The following UBE2W variants were observed in gnomAD, a reference collection of about 807,000 sequenced individuals.
UBE2W encodes the protein ubiquitin-conjugating enzyme E2 W.
In UBE2W, 18 loss-of-function variants were observed where a neutral mutation model predicts 27.2. The ratio of observed to expected loss-of-function variants is 0.66; its 90% CI spans 0.46 to 0.98. The LOEUF (loss-of-function observed/expected upper bound fraction) is 0.98, where lower values mean the gene tolerates loss of function less well. UBE2W is among the 50% of genes least tolerant of loss of function. UBE2W has a pLI of 0.00. For missense variants in UBE2W, 90 were observed against 180.2 expected, an observed-to-expected ratio of 0.50 and a Z score of 2.87; for synonymous variants, 53 against 57.2, an observed-to-expected ratio of 0.93 and a Z score of 0.33.
intron 3 of UBE2W, among the ~76,000 whole-genome samples, chr8:73,815,661 G>A (rs1272055680): frequency 1.3e-5 from 2 of 152,150 alleles, no homozygotes; most frequent in Non-Finnish European, 2.9e-5. Flanking sequence ...ATCTTACCAC[G>A]AAGGAGGCAC....
intron 1 of UBE2W, among the ~76,000 whole-genome samples, chr8:73,844,158 C>A (rs1413171582): frequency 1.1e-4 from 1 of 8,894 alleles, no homozygotes; most frequent in African/African-American, 8.0e-4. Flanking sequence ...GAGCTAATTC[C>A]CCTCCCCCTC....
chr8:73,873,597 A>C (rs916576585), intron 1 of UBE2W, among the ~76,000 whole-genome samples: 5 of 152,208 alleles, frequency 3.3e-5, no homozygotes, highest in Non-Finnish European at 7.3e-5. Flanking sequence ...ACAAGGGTGC[A>C]GTGAGCCAAG....
Position 73,788,815 on chromosome 8 carries a change from G to T in UBE2W, c.*5287C>A. ...CAGAGAGTGTATGTGCCAAGGACTA[G>T]AACAAGAATTGGATCTCTCCTTTTC... On this transcript the variant is annotated 3_prime_UTR_variant, in exon 6 of 6. Transcript: ENST00000602593. 2 of 985,274 alleles carry T rather than the reference G, an allele frequency of 2.0e-6. No homozygotes were observed. Among genetic ancestry groups the T allele is most frequent in the Non-Finnish European group, 2.4e-6 (2 of 829,912 alleles). The allele number at this position is 985,274 out of a possible 1,614,324, so 61.0% of individuals were successfully genotyped here.
chr8:73,840,074 C>A (rs1426464452), intron 1 of UBE2W, among the ~76,000 whole-genome samples: 1 of 150,492 alleles, frequency 6.6e-6, no homozygotes, highest in Non-Finnish European at 1.5e-5. Flanking sequence ...TTTTTCCCCC[C>A]AAGAAGGAGT....
In UBE2W at chr8:73,878,843, A is replaced by G. The variant is rs972672144; in HGVS notation, c.-21T>C. On this transcript the variant is annotated 5_prime_UTR_variant, in exon 1 of 6. Coordinates refer to ENST00000602593, the MANE Select transcript of UBE2W (RefSeq NM_018299.6). Reference sequence around the variant, plus strand: ...GCCATGATGGAACCATCCCCCCAAGACCGGCGAGGCCAGAGACGCAGGGGG... The same window carrying G: ...GCCATGATGGAACCATCCCCCCAAGGCCGGCGAGGCCAGAGACGCAGGGGG... 12 of 1,548,198 alleles carry G rather than the reference A, an allele frequency of 7.8e-6. No individual in the cohort carries two copies. In the Admixed American group the frequency reaches 1.4e-4, roughly 18 times the overall value.
chr8:73,853,937 C>G (rs974826854), intron 1 of UBE2W, among the ~76,000 whole-genome samples: 14 of 152,026 alleles, frequency 9.2e-5, no homozygotes, highest in African/African-American at 3.1e-4. Flanking sequence ...TCGCTTGAGT[C>G]TAGGAGTTCA....
Position 73,846,738 on chromosome 8 carries a change from C to T in UBE2W, c.16-16266G>A, listed in dbSNP as rs543390921. ...GAACGAAATTACAAGGCATTCAACA[C>T]ATAAATTTGGAAGCAGGTGATGGGG... On this transcript the variant is annotated intron_variant, in intron 1 of 5. Transcript: ENST00000602593. 2.8e-4 allele frequency among the ~76,000 whole-genome samples: 43 copies of T among 152,290 alleles called. No individual in the cohort carries two copies. In the South Asian group the frequency reaches 5.4e-3, roughly 19 times the overall value.
At chr8:73,865,777 A>G (rs1268859748) in intron 1 of UBE2W, among the ~76,000 whole-genome samples, 1 of 152,178 alleles carries the variant, frequency 6.6e-6, no homozygotes, top group East Asian at 1.9e-4. Flanking sequence ...ATGTAGTACA[A>G]AAGACTATTC....
rs763703268 is a variant in UBE2W at position 73,837,613 on chromosome 8, T to C, written c.16-7141A>G. 6.6e-5 allele frequency among the ~76,000 whole-genome samples: 10 copies of C among 152,184 alleles called. No homozygotes were observed. The East Asian group carries it at 1.2e-3, about 18-fold the overall frequency. The stretch of plus-strand genomic sequence containing the variant: ...ATGTTTCTGAGTTAACTTTTTAAAA[T>C]TGATTTAAAAATATATACTTTGTAG... On this transcript the variant is annotated intron_variant, in intron 1 of 5. Coordinates refer to ENST00000602593, the MANE Select transcript of UBE2W (RefSeq NM_018299.6).
Position 73,827,656 on chromosome 8 carries a change from A to G in UBE2W, c.108-2407T>C, listed in dbSNP as rs1374576833. Among the ~76,000 whole-genome samples, 5 of 152,092 alleles carry G rather than the reference A, an allele frequency of 3.3e-5. No homozygotes were observed. In the East Asian group the frequency reaches 9.6e-4, roughly 29 times the overall value. On this transcript the variant is annotated intron_variant, in intron 2 of 5. Transcript: ENST00000602593. ...GTGACTCCCCCACCTCAGACTCCCA[A>G]GTAGCTGGGACCACAGGTGCACACC...
At chr8:73,803,519 T>C (rs1156247447) in intron 5 of UBE2W, among the ~76,000 whole-genome samples, 1 of 152,140 alleles carries the variant, frequency 6.6e-6, no homozygotes, top group Admixed American at 6.5e-5. Flanking sequence ...GTTCTTCTCA[T>C]CTACTATTTT....
chr8:73,865,433 C>T (rs532712868), intron 1 of UBE2W, among the ~76,000 whole-genome samples: 103 of 152,104 alleles, frequency 6.8e-4, no homozygotes, highest in African/African-American at 2.3e-3. Flanking sequence ...GGCAACATGG[C>T]AAAACTCATC....
intron 1 of UBE2W, among the ~76,000 whole-genome samples, chr8:73,848,760 C>T (rs537172197): frequency 5.3e-5 from 8 of 152,206 alleles, no homozygotes; most frequent in African/African-American, 1.9e-4. Flanking sequence ...TGCTTAGGAA[C>T]GGACATAAGG....
Position 73,791,804 on chromosome 8 carries a change from A to C in UBE2W, c.*2298T>G. On this transcript the variant is annotated 3_prime_UTR_variant, in exon 6 of 6. Transcript: ENST00000602593. ...TCTTTAAACCATAAGATGTACCGAA[A>C]TTATTTCATTTTCCTCTACTTTCCT... The C allele has an allele frequency of 1.0e-6, 1 of 984,698 alleles. No individual in the cohort carries two copies. Among genetic ancestry groups the C allele is most frequent in the Non-Finnish European group, 1.2e-6 (1 of 829,350 alleles). 61.0% of individuals were successfully genotyped at this position (984,698 alleles called of 1,614,324 possible).
chr8:73,827,753 C>T (rs991834973), intron 2 of UBE2W, among the ~76,000 whole-genome samples: 1 of 151,964 alleles, frequency 6.6e-6, no homozygotes, highest in African/African-American at 2.4e-5. Flanking sequence ...TTGCCCAGTC[C>T]GGTCTTGAAC....
rs1808198392 is a variant in UBE2W, at chr8:73,791,538, C to T, written c.*2564G>A. 1.0e-6 allele frequency: 1 copy of T among 985,028 alleles called. No individual in the cohort carries two copies. 61.0% of individuals were successfully genotyped at this position (985,028 alleles called of 1,614,324 possible). On this transcript the variant is annotated 3_prime_UTR_variant, in exon 6 of 6. Coordinates refer to ENST00000602593, the MANE Select transcript of UBE2W (RefSeq NM_018299.6). ...TACATTTTCTTGATATTCTGGTTGT[C>T]TTTCAACAATGCATTACAGAGAAAT...
At chr8:73,837,484 G>C (rs1810357243) in intron 1 of UBE2W, among the ~76,000 whole-genome samples, 1 of 152,012 alleles carries the variant, frequency 6.6e-6, no homozygotes, top group African/African-American at 2.4e-5. Flanking sequence ...CTGCACTCAA[G>C]CTTGGGCAAC....
chr8:73,804,318 G>C (rs1808776426), intron 5 of UBE2W, among the ~76,000 whole-genome samples: 1 of 149,218 alleles, frequency 6.7e-6, no homozygotes, highest in Non-Finnish European at 1.5e-5. Flanking sequence ...AAACCCCAAA[G>C]GCAATACTCT....
At chr8:73,861,658 A>C (rs978701281) in intron 1 of UBE2W, among the ~76,000 whole-genome samples, 7 of 152,176 alleles carry the variant, frequency 4.6e-5, no homozygotes, top group African/African-American at 1.7e-4. Flanking sequence ...CCAACGATTC[A>C]TGATATAATA....
Sources: gnomAD v4.1 joint callset for allele counts (sites outside exome capture counted in the v4.1 genomes callset) on GRCh38, gnomAD v4.1.1 for gene constraint, MANE v1.5 for transcripts, NCBI Gene and HGNC (gene_info 2026-07-23, HGNC 2026-07-21) for gene names.